The following ZNF37A variants were observed in gnomAD, a reference collection of about 807,000 sequenced individuals.
ZNF37A encodes the protein zinc finger protein 37A.
ZNF37A carries 10 observed loss-of-function variants against 12.3 expected under a neutral mutation model. The observed-to-expected ratio is 0.82, with a 90% CI of 0.50 to 1.38. The LOEUF (loss-of-function observed/expected upper bound fraction) is 1.38. ZNF37A is among the 40% of genes most tolerant of loss of function. ZNF37A has a pLI of 0.00. For missense variants in ZNF37A, 580 were observed against 651.2 expected, an observed-to-expected ratio of 0.89 and a Z score of 1.19; for synonymous variants, 207 against 223.0, an observed-to-expected ratio of 0.93 and a Z score of 0.64.
In ZNF37A at chr10:38,123,133, G is replaced by C. The variant is rs1234806662; in HGVS notation, c.*4296G>C. ...TCACATGGCAGGTGCAGGGCAAAGAGAGGGGGGAAGGGAAGTGCCACACAA... is the reference window on the plus strand; with the variant it reads ...TCACATGGCAGGTGCAGGGCAAAGACAGGGGGGAAGGGAAGTGCCACACAA... On this transcript the variant is annotated 3_prime_UTR_variant, in exon 8 of 8. Transcript: ENST00000685332. 1 of 152,086 alleles carries C rather than the reference G, an allele frequency of 6.6e-6. No homozygotes were observed. The highest frequency in any genetic ancestry group is 1.5e-5 in the Non-Finnish European group (1 of 68,050). 9.4% of individuals were successfully genotyped at this position (152,086 alleles called of 1,614,324 possible).
At chr10:38,112,772 T>TG (rs1434033958) in intron 5 of ZNF37A, among the ~76,000 whole-genome samples, 3,950 of 64,960 alleles carry the variant, frequency 0.061, 753 homozygotes, top group East Asian at 0.11. Context: ...TTTCTTTTCT[T>TG]TTCTTTTCTT....
chr10:38,116,730 C>A (rs2069298387), intron 7 of ZNF37A, among the ~76,000 whole-genome samples: 1 of 152,170 alleles, frequency 6.6e-6, no homozygotes, highest in Non-Finnish European at 1.5e-5. Context: ...GAACCATAAA[C>A]CTGATCCTGT....
At chr10:38,102,740 A>C (rs2067699524) in intron 5 of ZNF37A, among the ~76,000 whole-genome samples, 1 of 152,122 alleles carries the variant, frequency 6.6e-6, no homozygotes, top group Non-Finnish European at 1.5e-5. Flanking sequence ...GGACAGGTCT[A>C]GTACTAACAC....
intron 7 of ZNF37A, 198 bp downstream of exon 7, chr10:38,115,488 A>G (rs2069195351): frequency 1.6e-6 from 1 of 613,612 alleles, no homozygotes; most frequent in Admixed American, 3.8e-5. Flanking sequence ...TCATACACAC[A>G]TCTTGTTGTT....
chr10:38,135,567 A>G (rs1398515306), intron 7 of ZNF37A, among the ~76,000 whole-genome samples: 1 of 152,248 alleles, frequency 6.6e-6, no homozygotes, highest in African/African-American at 2.4e-5. Context: ...AGAAAACAAA[A>G]TTATTCTTTA....
At chr10:38,105,168 G>A (rs1405308511) in intron 5 of ZNF37A, among the ~76,000 whole-genome samples, 1 of 151,942 alleles carries the variant, frequency 6.6e-6, no homozygotes, top group Non-Finnish European at 1.5e-5. Context: ...ACCATGCCTG[G>A]CTAATTTTGT....
chr10:38,147,620 C>A (rs2070271130), exon 8 of ZNF37A: 1 of 152,070 alleles, frequency 6.6e-6, no homozygotes, highest in Non-Finnish European at 1.5e-5. Context: ...TCCCTGAACC[C>A]ACAATGAGTC....
chr10:38,098,231 G>A (rs2067302202), intron 5 of ZNF37A, among the ~76,000 whole-genome samples: 1 of 152,098 alleles, frequency 6.6e-6, no homozygotes, highest in African/African-American at 2.4e-5. Flanking sequence ...ATGGACATTG[G>A]GGGTCATCCT....
At chr10:38,110,006 T>C (rs1451967820) in intron 5 of ZNF37A, among the ~76,000 whole-genome samples, 1 of 152,182 alleles carries the variant, frequency 6.6e-6, no homozygotes, top group Non-Finnish European at 1.5e-5. Flanking sequence ...AAATTTTATA[T>C]GGAACCAAAA....
rs748895503 is a variant in ZNF37A at position 38,114,892 on chromosome 10, A to G, written c.142+11A>G. ...ACCTTGTCTCAGTAGGTAGGTAGGA[A>G]TTGTTTCCCATGTAGAAGGCCAGAA... On this transcript the variant is annotated intron_variant, in intron 6 of 7. Transcript: ENST00000685332. 2.5e-6 allele frequency: 4 copies of G among 1,604,004 alleles called. No homozygotes were observed. In the South Asian group the frequency reaches 4.5e-5, roughly 18 times the overall value.
At chr10:38,110,911 G>A (rs539395903) in intron 5 of ZNF37A, among the ~76,000 whole-genome samples, 1 of 152,306 alleles carries the variant, frequency 6.6e-6, no homozygotes, top group Admixed American at 6.5e-5. Flanking sequence ...AACCATTGTG[G>A]AAGACAGTGT....
At chr10:38,112,322 G>A (rs1282641302) in intron 5 of ZNF37A, among the ~76,000 whole-genome samples, 1 of 152,020 alleles carries the variant, frequency 6.6e-6, no homozygotes, top group Non-Finnish European at 1.5e-5. Context: ...TGAGGTCTTT[G>A]CCAAGCTTCT....
chr10:38,129,206 G>A (rs1472020351), downstream of ZNF37A, among the ~76,000 whole-genome samples: 1 of 148,026 alleles, frequency 6.8e-6, no homozygotes, highest in African/African-American at 2.5e-5. Context: ...GGCATATTTG[G>A]TTATATTTTT....
In ZNF37A at chr10:38,119,780, T is replaced by C. The variant is rs1449622679; in HGVS notation, c.*943T>C. 1 of 152,196 alleles carries C rather than the reference T, an allele frequency of 6.6e-6. No homozygotes were observed. Among genetic ancestry groups the C allele is most frequent in the African/African-American group, 2.4e-5 (1 of 41,450 alleles). 9.4% of individuals were successfully genotyped at this position (152,196 alleles called of 1,614,324 possible). A position where few individuals can be genotyped will look rare whatever the true frequency, so the allele number is the denominator to read the frequency against. ...ACCCACAAACAAGAGTGCTCTTGTA[T>C]GTCCAGAAGAAAGAGAAAGACCATC... On this transcript the variant is annotated 3_prime_UTR_variant, in exon 8 of 8. Coordinates refer to ENST00000685332, the MANE Select transcript of ZNF37A (RefSeq NM_001324250.3).
intron 5 of ZNF37A, among the ~76,000 whole-genome samples, chr10:38,109,527 G>A (rs1296134937): frequency 2.0e-5 from 3 of 152,040 alleles, no homozygotes; most frequent in African/African-American, 7.2e-5. Flanking sequence ...AGGGTATTCA[G>A]ATAGGAAAAG....
rs959496436 is a variant in ZNF37A, at chr10:38,120,865, A to G, written c.*2028A>G. The G allele has an allele frequency of 6.6e-6, 1 of 152,250 alleles. No individual in the cohort carries two copies. The highest frequency in any genetic ancestry group is 1.5e-5 in the Non-Finnish European group (1 of 68,038). 9.4% of individuals were successfully genotyped at this position (152,250 alleles called of 1,614,324 possible). A position where few individuals can be genotyped will look rare whatever the true frequency, so the allele number is the denominator to read the frequency against. On this transcript the variant is annotated 3_prime_UTR_variant, in exon 8 of 8. Transcript: ENST00000685332. ...GCCTGAAAAGCTAATTTGAGAAGAT[A>G]ATAAGTAGGATTTTTGTTTTGTTTT... is the stretch of plus-strand genomic sequence containing the variant.
intron 7 of ZNF37A, among the ~76,000 whole-genome samples, chr10:38,135,909 A>G (rs1375440497): frequency 6.6e-6 from 1 of 152,218 alleles, no homozygotes; most frequent in African/African-American, 2.4e-5. Context: ...TTACAATTCA[A>G]GATGAGATTT....
intron 7 of ZNF37A, among the ~76,000 whole-genome samples, chr10:38,116,811 G>T (rs563828871): frequency 6.6e-6 from 1 of 152,236 alleles, no homozygotes; most frequent in African/African-American, 2.4e-5. Flanking sequence ...GTGAATCAGA[G>T]CTAGAAAAAC....
chr10:38,104,391 G>A (rs775549459), intron 5 of ZNF37A, among the ~76,000 whole-genome samples: 4 of 152,022 alleles, frequency 2.6e-5, no homozygotes, highest in South Asian at 2.1e-4. Context: ...GTCATACCAG[G>A]AATGTTCTGG....
Sources: allele counts gnomAD v4.1 joint callset (sites outside exome capture counted in the v4.1 genomes callset), GRCh38; gene constraint gnomAD v4.1.1; transcripts MANE v1.5; gene names NCBI Gene and HGNC (gene_info 2026-07-23, HGNC 2026-07-21).